The following ULK4 variants were observed in gnomAD, a reference collection of about 807,000 sequenced individuals.
The protein encoded by ULK4 is inactive serine/threonine-protein kinase ULK4.
Under a neutral mutation model 160.6 loss-of-function variants are expected in ULK4, and 133 were observed. The ratio of observed to expected loss-of-function variants is 0.83; its 90% CI spans 0.72 to 0.96. ULK4 has a LOEUF of 0.96. Ranked by LOEUF, ULK4 falls within the 40% of genes least tolerant of loss-of-function variation. The pLI, the probability that ULK4 is intolerant of heterozygous loss-of-function variation, is 0.00. For synonymous variants in ULK4, 534 were observed against 539.8 expected (o/e 0.99, Z 0.15); for missense variants, 1,580 against 1,499.5 (o/e 1.05, Z -0.89).
At chr3:41,726,809 A>G (rs1464116450) in intron 22 of ULK4, among the ~76,000 whole-genome samples, 1 of 151,990 alleles carries the variant, frequency 6.6e-6, no homozygotes, top group Non-Finnish European at 1.5e-5. Flanking sequence ...TATTTGTTTC[A>G]TTTAATTTTT....
At chr3:41,559,127 T>C (rs1391768611) in intron 32 of ULK4, among the ~76,000 whole-genome samples, 1 of 150,206 alleles carries the variant, frequency 6.7e-6, no homozygotes, top group Non-Finnish European at 1.5e-5. Context: ...ATATGCAGTG[T>C]TTGGTTTTCT....
chr3:41,458,726 C>A (rs77428619), intron 33 of ULK4, among the ~76,000 whole-genome samples: 1 of 152,122 alleles, frequency 6.6e-6, no homozygotes, highest in Non-Finnish European at 1.5e-5. Flanking sequence ...CTATAAAGAA[C>A]AAGAGACAGT....
At chr3:41,851,145 G>A (rs542294243) in intron 17 of ULK4, among the ~76,000 whole-genome samples, 2 of 152,260 alleles carry the variant, frequency 1.3e-5, no homozygotes, top group South Asian at 2.1e-4. Context: ...GGGCGTCCCT[G>A]TCTTGTGCCA....
chr3:41,939,312 A>G (rs2148828619), intron 2 of ULK4, among the ~76,000 whole-genome samples: 1 of 152,088 alleles, frequency 6.6e-6, no homozygotes, highest in East Asian at 1.9e-4. Context: ...GGTACACACC[A>G]CCACACCCAG....
chr3:41,331,717 A>G (rs2080446532), intron 35 of ULK4, among the ~76,000 whole-genome samples: 1 of 152,188 alleles, frequency 6.6e-6, no homozygotes. Flanking sequence ...CAGAATCTCT[A>G]AAGTTGTTTT....
chr3:41,806,450 A>C (rs569944753), intron 19 of ULK4, among the ~76,000 whole-genome samples: 5 of 152,068 alleles, frequency 3.3e-5, no homozygotes, highest in Non-Finnish European at 7.4e-5. Context: ...TGGATTCATT[A>C]ATTTTTTCAA....
At chr3:41,481,812 G>A (rs2084333613) in intron 32 of ULK4, among the ~76,000 whole-genome samples, 2 of 129,902 alleles carry the variant, frequency 1.5e-5, no homozygotes, top group Admixed American at 1.6e-4. Flanking sequence ...GGGCGACAGA[G>A]CGAGACTCCG....
intron 31 of ULK4, among the ~76,000 whole-genome samples, chr3:41,596,387 T>C (rs1254677936): frequency 1.3e-5 from 2 of 152,194 alleles, no homozygotes; most frequent in African/African-American, 2.4e-5. Context: ...GGAGTTGGAC[T>C]TAATAAAAGC....
In ULK4 at chr3:41,566,123, T is replaced by C. The variant is rs533073701; in HGVS notation, c.3128A>G (p.Gln1043Arg). The C allele has an allele frequency of 1.2e-6, 2 of 1,612,000 alleles. No homozygotes were observed. The highest frequency in any genetic ancestry group is 1.3e-5 in the African/African-American group (1 of 74,960). The change falls in exon 32 of 37, where the codon CAG (glutamine) becomes CGG (arginine). Residue 1043 changes from glutamine to arginine, a missense_variant. Physicochemically the swap from Gln to Arg is conservative, Grantham distance 43. Coordinates refer to ENST00000301831, the MANE Select transcript of ULK4 (RefSeq NM_017886.4). ...PLIFEVTLEH[Q>R]ESILGNTMQS... ...CATGGTATTACCCAGAATGCTCTCC[T>C]GATGTTCCTGCAATAGATCATAATT...
intron 20 of ULK4, among the ~76,000 whole-genome samples, chr3:41,794,686 A>AAAAAAAAAC (rs1553654814): frequency 1.4e-4 from 16 of 112,424 alleles, no homozygotes; most frequent in African/African-American, 5.0e-4. Context: ...AAAAAAAAAA[A>AAAAAAAAAC]CACAGAAAAA....
At chr3:41,897,049 A>G in intron 14 of ULK4, 46 bp from the exon 15 acceptor site, 1 of 1,479,388 alleles carries the variant, frequency 6.8e-7, no homozygotes, top group Non-Finnish European at 9.2e-7. Flanking sequence ...TGAGAAAAAG[A>G]ACTGCTGGAA....
At chr3:41,699,129 C>G in intron 27 of ULK4, among the ~76,000 whole-genome samples, 1 of 152,086 alleles carries the variant, frequency 6.6e-6, no homozygotes, top group Non-Finnish European at 1.5e-5. Flanking sequence ...ATTGCTGAGT[C>G]ACAGTATATG....
intron 31 of ULK4, among the ~76,000 whole-genome samples, chr3:41,588,526 T>C (rs2031004323): frequency 6.6e-6 from 1 of 152,036 alleles, no homozygotes; most frequent in South Asian, 2.1e-4. Context: ...AACCAAAGAG[T>C]GGCAAGAGAG....
intron 35 of ULK4, among the ~76,000 whole-genome samples, chr3:41,273,691 G>A (rs151043422): frequency 1.4e-4 from 21 of 152,240 alleles, no homozygotes; most frequent in African/African-American, 5.1e-4. Context: ...GGGGGTGTGG[G>A]GAGGTGGGGC....
intron 32 of ULK4, among the ~76,000 whole-genome samples, chr3:41,518,460 C>T (rs1471097445): frequency 1.1e-4 from 17 of 152,170 alleles, no homozygotes. Flanking sequence ...CAATGGACCA[C>T]AAGACAAATA....
intron 22 of ULK4, among the ~76,000 whole-genome samples, chr3:41,749,020 C>T (rs2038521940): frequency 6.6e-6 from 1 of 152,154 alleles, no homozygotes; most frequent in Non-Finnish European, 1.5e-5. Context: ...TCAGCTGGTC[C>T]CCAACTTACA....
chr3:41,353,233 G>C (rs2080947344), intron 35 of ULK4, among the ~76,000 whole-genome samples: 1 of 152,190 alleles, frequency 6.6e-6, no homozygotes, highest in African/African-American at 2.4e-5. Context: ...GAACAAGCAG[G>C]AACTGATTCC....
At chr3:41,923,327 C>G (rs979171659) in intron 5 of ULK4, among the ~76,000 whole-genome samples, 1 of 151,904 alleles carries the variant, frequency 6.6e-6, no homozygotes, top group African/African-American at 2.4e-5. Context: ...GGTGAAACCC[C>G]ATCTCTACTA....
intron 35 of ULK4, among the ~76,000 whole-genome samples, chr3:41,355,675 C>G (rs1575462389): frequency 6.6e-6 from 1 of 152,326 alleles, no homozygotes; most frequent in African/African-American, 2.4e-5. Context: ...TAGCACATCA[C>G]TCAGAGAAAG....
Sources: gnomAD v4.1 joint callset for allele counts (sites outside exome capture counted in the v4.1 genomes callset) on GRCh38, gnomAD v4.1.1 for gene constraint, MANE v1.5 for transcripts, NCBI Gene and HGNC (gene_info 2026-07-23, HGNC 2026-07-21) for gene names.